The following NOMO3 variants were observed in gnomAD, a reference collection of about 807,000 sequenced individuals.
NOMO3 encodes BOS complex subunit NOMO3.
In NOMO3, 15 loss-of-function variants were observed where a neutral mutation model predicts 69.9. That is an observed-to-expected ratio of 0.21 (90% confidence interval 0.14 to 0.33). The LOEUF (loss-of-function observed/expected upper bound fraction) is 0.33, where lower values mean the gene tolerates loss of function less well. Ranked by LOEUF, NOMO3 falls within the 10% of genes least tolerant of loss-of-function variation. NOMO3 has a pLI of 1.00. For missense variants in NOMO3, 218 were observed against 761.0 expected, an observed-to-expected ratio of 0.29 and a Z score of 8.39; for synonymous variants, 89 against 301.9, an observed-to-expected ratio of 0.29 and a Z score of 7.31.
Position 16,232,535 on chromosome 16 carries a change from G to A in NOMO3, c.-132G>A, listed in dbSNP as rs2049288422. 4 of 1,231,738 alleles carry A rather than the reference G, an allele frequency of 3.2e-6. No homozygotes were observed. Among genetic ancestry groups the A allele is most frequent in the Admixed American group, 4.3e-5 (1 of 23,136 alleles). The allele number at this position is 1,231,738 out of a possible 1,614,324, so 76.3% of individuals were successfully genotyped here. ...TGGGGTCGAAGCGCGCGTGCGCGGC[G>A]GCGGCTGGCGGCGGCGGTGGGGCGG... is the stretch of plus-strand genomic sequence containing the variant. On this transcript the variant is annotated 5_prime_UTR_variant, in exon 1 of 31. Coordinates refer to ENST00000399336, the MANE Select transcript of NOMO3 (RefSeq NM_001004067.4).
Position 16,263,077 on chromosome 16 carries a change from A to G in NOMO3, c.1399A>G (p.Met467Val). Residue 467 changes from methionine to valine, a missense_variant, in exon 13 of 31, where the codon ATG becomes GTG. Transcript: ENST00000399336. ...CGTTCCATCCACGTTTCCGCAGGTG[A>G]TGGTTCCTGAGGCAGAAACCAGAGC... ...ANPGTYKVQV[M>V]VPEAETRAGL... The G allele has an allele frequency of 1.9e-6, 3 of 1,595,520 alleles. No homozygotes were observed. Among genetic ancestry groups the G allele is most frequent in the Non-Finnish European group, 2.5e-6 (3 of 1,178,124 alleles).
intron 9 of NOMO3, among the ~76,000 whole-genome samples, chr16:16,255,144 C>T (rs1200643224): frequency 7.0e-6 from 1 of 143,088 alleles, no homozygotes; most frequent in Non-Finnish European, 1.5e-5. Flanking sequence ...GACTGCTGAC[C>T]TCAAGTGATC....
At chr16:16,237,856 TA>T (rs923952617) in intron 2 of NOMO3, among the ~76,000 whole-genome samples, 1 of 144,632 alleles carries the variant, frequency 6.9e-6, no homozygotes, top group Non-Finnish European at 1.5e-5. Context: ...GGCCCTCTTA[TA>T]AAATTTTGAT....
chr16:16,254,365 C>T (rs916464441), intron 9 of NOMO3, among the ~76,000 whole-genome samples: 5 of 142,592 alleles, frequency 3.5e-5, no homozygotes, highest in African/African-American at 5.9e-5. Flanking sequence ...ATATTTGTTG[C>T]GTACATATGT....
rs1245635552 is a variant in NOMO3, at chr16:16,235,749, C to A, written c.166-1152C>A. On this transcript the variant is annotated intron_variant, in intron 1 of 30. Transcript: ENST00000399336. ...GGCTGGTCTCCTGGGCTCAAGTGATCCTCCTTCTTTGGCCTCCCAAAGTGC... is the reference window on the plus strand; with the variant it reads ...GGCTGGTCTCCTGGGCTCAAGTGATACTCCTTCTTTGGCCTCCCAAAGTGC... 9.4e-6 allele frequency: 4 copies of A among 426,972 alleles called. No individual in the cohort carries two copies. The Admixed American group carries it at 1.0e-4, about 11-fold the overall frequency. 26.4% of individuals were successfully genotyped at this position (426,972 alleles called of 1,614,324 possible).
intron 12 of NOMO3, among the ~76,000 whole-genome samples, 163 bp from the exon 13 acceptor site, chr16:16,262,911 G>A (rs1467282997): frequency 2.1e-5 from 3 of 143,182 alleles, no homozygotes; most frequent in Non-Finnish European, 4.4e-5. Context: ...CTTCACACAA[G>A]TTATTCGTGG....
At chr16:16,265,325 A>G in intron 15 of NOMO3, 146 bp downstream of exon 15, 1 of 1,493,458 alleles carries the variant, frequency 6.7e-7, no homozygotes, top group Non-Finnish European at 9.0e-7. Flanking sequence ...TACGCAACGC[A>G]TAATCAGGAA....
intron 11 of NOMO3, 123 bp downstream of exon 11, chr16:16,256,281 T>G (rs1175855721): frequency 1.4e-6 from 2 of 1,428,186 alleles, no homozygotes; most frequent in South Asian, 2.8e-5. Context: ...TAGTACTTTT[T>G]TTTTTTTTTT....
chr16:16,237,634 CA>C (rs1275817592), intron 2 of NOMO3, among the ~76,000 whole-genome samples: 1 of 142,658 alleles, frequency 7.0e-6, no homozygotes, highest in African/African-American at 2.9e-5. Flanking sequence ...CTCCAACCTC[CA>C]CCCCCCAGGT....
At chr16:16,250,133 CA>C (rs778364729) in intron 6 of NOMO3, among the ~76,000 whole-genome samples, 9 of 133,078 alleles carry the variant, frequency 6.8e-5, no homozygotes, top group Non-Finnish European at 1.4e-4. Flanking sequence ...GGATTGGTTA[CA>C]GCTGGACGTT....
At position 16,238,764 on chromosome 16, in the gene NOMO3, A is replaced by G. The variant is rs1374191473; in HGVS notation, c.256-1087A>G. ...TGAAATCTATTTAATTAATTTTTAA[A>G]TAGTATCAGTATCAGTCTCAAGAAA... On this transcript the variant is annotated intron_variant, in intron 2 of 30. Coordinates refer to ENST00000399336, the MANE Select transcript of NOMO3 (RefSeq NM_001004067.4). 1.4e-5 allele frequency among the ~76,000 whole-genome samples: 2 copies of G among 139,190 alleles called. 1 individual carries two copies. Among genetic ancestry groups the G allele is most frequent in the African/African-American group, 6.1e-5 (2 of 32,700 alleles). The allele number at this position is 139,190 out of a possible 152,430, so 91.3% of individuals were successfully genotyped here. A position where few individuals can be genotyped will look rare whatever the true frequency, so the allele number is the denominator to read the frequency against.
In NOMO3 at chr16:16,255,603, G is replaced by C. The variant is rs2049503482; in HGVS notation, c.964-117G>C. On this transcript the variant is annotated intron_variant, in intron 9 of 30. Coordinates refer to ENST00000399336, the MANE Select transcript of NOMO3 (RefSeq NM_001004067.4). Reference sequence around the variant, plus strand: ...GGCACACAGGACCGGGGCACTGAGTGTTGGGAGGTGGGCGGCAGGAGCAGA... The same window carrying C: ...GGCACACAGGACCGGGGCACTGAGTCTTGGGAGGTGGGCGGCAGGAGCAGA... 6 of 663,002 alleles carry C rather than the reference G, an allele frequency of 9.0e-6. 1 individual carries two copies. The Admixed American group carries it at 1.1e-4, about 13-fold the overall frequency. The allele number at this position is 663,002 out of a possible 1,614,324, so 41.1% of individuals were successfully genotyped here.
rs371843893 is a variant in NOMO3, at chr16:16,236,043, G to C, written c.166-858G>C. ...AATGTAAGAGTTTTAGAGAGTCCTT[G>C]AAGAGAGGACAGATATTAAATGTCT... On this transcript the variant is annotated intron_variant, in intron 1 of 30. Coordinates refer to ENST00000399336, the MANE Select transcript of NOMO3 (RefSeq NM_001004067.4). The C allele has an allele frequency of 1.5e-4, 31 of 211,984 alleles. 6 individuals carry two copies. The East Asian group carries it at 3.7e-3, about 25-fold the overall frequency. The allele number at this position is 211,984 out of a possible 1,614,324, so 13.1% of individuals were successfully genotyped here.
At chr16:16,256,248 G>A in intron 11 of NOMO3, 90 bp downstream of exon 11, 8 of 1,507,168 alleles carry the variant, frequency 5.3e-6, no homozygotes, top group African/African-American at 3.5e-5. Flanking sequence ...TGTCTTTGCC[G>A]AGCTTAAGAA....
chr16:16,254,487 TAAAA>T (rs1304204299), intron 9 of NOMO3, among the ~76,000 whole-genome samples: 3 of 139,956 alleles, frequency 2.1e-5, no homozygotes, highest in Admixed American at 6.9e-5. Context: ...AAAAAAAAAA[TAAAA>T]AAATAAAAAA....
chr16:16,252,828 ATT>A (rs1180588275), intron 9 of NOMO3, among the ~76,000 whole-genome samples: 44 of 66,640 alleles, frequency 6.6e-4, no homozygotes, highest in Admixed American at 1.1e-3. Flanking sequence ...TGTGGACCTC[ATT>A]TTTTTTTTTT....
chr16:16,237,897 T>C (rs2049341363), intron 2 of NOMO3, among the ~76,000 whole-genome samples: 1 of 144,688 alleles, frequency 6.9e-6, no homozygotes, highest in South Asian at 2.2e-4. Flanking sequence ...TTTCTATTTA[T>C]AGTTATTCAG....
chr16:16,232,905 C>G (rs2049294597), intron 1 of NOMO3, 74 bp downstream of exon 1: 4 of 170,508 alleles, frequency 2.3e-5, no homozygotes, highest in Admixed American at 1.6e-4. Context: ...GCGCTGGCCT[C>G]GTCTCTGACA....
rs531292402 is a variant in NOMO3, at chr16:16,257,662, G to C, written c.1220+1504G>C. Among the ~76,000 whole-genome samples the C allele has an allele frequency of 9.8e-5, 14 of 142,868 alleles. 1 individual carries two copies. The highest frequency in any genetic ancestry group is 2.1e-4 in the Non-Finnish European group (14 of 67,586). The allele number at this position is 142,868 out of a possible 152,430, so 93.7% of individuals were successfully genotyped here. A position where few individuals can be genotyped will look rare whatever the true frequency, so the allele number is the denominator to read the frequency against. On this transcript the variant is annotated intron_variant, in intron 11 of 30. Transcript: ENST00000399336. ...GCCCAGGGGGGGACCTAGGGAGCCTGAGGTCATAGGAGCTAAGAAAGTAAG... is the reference window on the plus strand; with the variant it reads ...GCCCAGGGGGGGACCTAGGGAGCCTCAGGTCATAGGAGCTAAGAAAGTAAG...
Sources: allele counts gnomAD v4.1 joint callset (sites outside exome capture counted in the v4.1 genomes callset), GRCh38; gene constraint gnomAD v4.1.1; transcripts MANE v1.5; gene names NCBI Gene and HGNC (gene_info 2026-07-23, HGNC 2026-07-21).